TBL1XR1: variants seen among roughly 807,000 people sequenced by gnomAD.
TBL1XR1 encodes F-box-like/WD repeat-containing protein TBL1XR1.
A neutral mutation model predicts 66.9 loss-of-function variants in TBL1XR1; 5 were observed. The ratio of observed to expected loss-of-function variants is 0.07; its 90% CI spans 0.04 to 0.16. The LOEUF is 0.16. Ranked by LOEUF, TBL1XR1 falls within the 10% of genes least tolerant of loss-of-function variation. The probability of loss-of-function intolerance (pLI) is 1.00; values close to 1 mark genes in which losing one functional copy is unlikely to be tolerated. For missense variants in TBL1XR1, 238 were observed against 623.2 expected (o/e 0.38, Z 6.58); for synonymous variants, 210 against 206.0 (o/e 1.02, Z -0.17).
chr3:177,161,699 G>A (rs1208709946), intron 1 of TBL1XR1, among the ~76,000 whole-genome samples: 17 of 151,610 alleles, frequency 1.1e-4, no homozygotes, highest in Admixed American at 9.9e-4. Context: ...CAGGAGGATC[G>A]CTTGAACCAG....
chr3:177,036,064 T>C (rs1054700259), intron 12 of TBL1XR1, among the ~76,000 whole-genome samples: 9 of 152,222 alleles, frequency 5.9e-5, no homozygotes, highest in African/African-American at 2.2e-4. Flanking sequence ...CCTTCCTTTA[T>C]TACTAGTTTA....
Position 177,049,879 on chromosome 3 carries a change from GTTACTA to G in TBL1XR1, c.702+112_702+117del, listed in dbSNP as rs386668603. The stretch of plus-strand genomic sequence containing the variant: ...GGCAGGGGACGACTCCCGGTTTGTT[GTTACTA>G]GTTAATAAAACCCCAAATTCTGAAC... On this transcript the variant is annotated intron_variant, in intron 7 of 15. Coordinates refer to ENST00000457928, the MANE Select transcript of TBL1XR1 (RefSeq NM_024665.7). 267,191 of 1,192,820 alleles carry G rather than the reference GTTACTA, an allele frequency of 0.22. 31,066 individuals carry two copies. Among genetic ancestry groups the G allele is most frequent in the East Asian group, 0.45 (17,855 of 39,320 alleles). 73.9% of individuals were successfully genotyped at this position (1,192,820 alleles called of 1,614,324 possible).
chr3:177,160,671 T>C (rs1732083963), intron 1 of TBL1XR1, among the ~76,000 whole-genome samples: 1 of 152,038 alleles, frequency 6.6e-6, no homozygotes, highest in African/African-American at 2.4e-5. Context: ...TGAAACTCAG[T>C]CCTAAATCAT....
chr3:177,179,176 G>A (rs907704434), intron 1 of TBL1XR1, among the ~76,000 whole-genome samples: 15 of 146,828 alleles, frequency 1.0e-4, no homozygotes, highest in East Asian at 1.0e-3. Context: ...GGGGAGAATC[G>A]CACAACAACC....
chr3:177,050,344 T>C (rs1210846339), intron 6 of TBL1XR1, 134 bp downstream of exon 6: 4 of 1,293,948 alleles, frequency 3.1e-6, no homozygotes, highest in Non-Finnish European at 4.2e-6. Flanking sequence ...AATTACTTCA[T>C]GAAGGAATAA....
At chr3:177,081,793 A>G (rs574762883) in intron 2 of TBL1XR1, among the ~76,000 whole-genome samples, 7 of 152,020 alleles carry the variant, frequency 4.6e-5, no homozygotes, top group African/African-American at 1.4e-4. Flanking sequence ...ACTACTAATT[A>G]TAAGATACAA....
intron 1 of TBL1XR1, among the ~76,000 whole-genome samples, chr3:177,169,486 G>A (rs1733211037): frequency 6.6e-6 from 1 of 152,114 alleles, no homozygotes; most frequent in East Asian, 1.9e-4. Flanking sequence ...CAGATACATG[G>A]AATAAGAAAC....
At chr3:177,074,477 G>A (rs1720440526) in intron 2 of TBL1XR1, among the ~76,000 whole-genome samples, 1 of 152,202 alleles carries the variant, frequency 6.6e-6, no homozygotes. Flanking sequence ...TTCTATCAAC[G>A]CTTTCCCTAG....
chr3:177,151,345 C>T (rs907907419), intron 1 of TBL1XR1, among the ~76,000 whole-genome samples: 3 of 152,186 alleles, frequency 2.0e-5, no homozygotes, highest in African/African-American at 7.2e-5. Context: ...TGATGGGGGT[C>T]CCCAACCCCC....
At chr3:177,037,337 CCTTT>C (rs1714940714) in intron 12 of TBL1XR1, 1 of 152,162 alleles carries the variant, frequency 6.6e-6, no homozygotes, top group African/African-American at 2.4e-5. Context: ...TATAGCATGA[CCTTT>C]CTTACTATTG....
At position 177,022,973 on chromosome 3, in the gene TBL1XR1, A is replaced by T. The variant is rs1221477489; in HGVS notation, c.*2525T>A. On this transcript the variant is annotated 3_prime_UTR_variant, in exon 16 of 16. Transcript: ENST00000457928. Reference sequence around the variant, plus strand: ...TAAAGCTCTGTATTTATAATCTTTTATATGTCCTATTGTGGCTATTATGCT... The same window carrying T: ...TAAAGCTCTGTATTTATAATCTTTTTTATGTCCTATTGTGGCTATTATGCT... 1 of 152,262 alleles carries T rather than the reference A, an allele frequency of 6.6e-6. No individual in the cohort carries two copies. The highest frequency in any genetic ancestry group is 6.6e-5 in the Admixed American group (1 of 15,252). 9.4% of individuals were successfully genotyped at this position (152,262 alleles called of 1,614,324 possible).
rs1737002292 is a variant in TBL1XR1, at chr3:177,197,363, GGGCGGGGGCGCACGCGGCCGGC to G, written c.-386_-365del. Reference sequence around the variant, plus strand: ...GGAGGTGCTCCCGCCGCGGGGGGAGGGGCGGGGGCGCACGCGGCCGGCGGCGGGGGGAGGCGGCGCGCGGGGG... The same window carrying G: ...GGAGGTGCTCCCGCCGCGGGGGGAGGGGCGGGGGGAGGCGGCGCGCGGGGG... On this transcript the variant is annotated 5_prime_UTR_variant, in exon 1 of 16. Coordinates refer to ENST00000457928, the MANE Select transcript of TBL1XR1 (RefSeq NM_024665.7). 3 of 146,466 alleles carry G rather than the reference GGGCGGGGGCGCACGCGGCCGGC, an allele frequency of 2.0e-5. No homozygotes were observed. The highest frequency in any genetic ancestry group is 4.6e-5 in the Non-Finnish European group (3 of 65,748). 9.1% of individuals were successfully genotyped at this position (146,466 alleles called of 1,614,324 possible). A position where few individuals can be genotyped will look rare whatever the true frequency, so the allele number is the denominator to read the frequency against.
intron 1 of TBL1XR1, among the ~76,000 whole-genome samples, chr3:177,180,615 T>C (rs903740397): frequency 2.6e-5 from 4 of 152,126 alleles, no homozygotes; most frequent in African/African-American, 9.7e-5. Context: ...TTCTAGAAAG[T>C]AGCTCAAAAA....
intron 1 of TBL1XR1, among the ~76,000 whole-genome samples, chr3:177,116,412 C>G (rs1204509251): frequency 6.6e-6 from 1 of 152,094 alleles, no homozygotes; most frequent in Non-Finnish European, 1.5e-5. Context: ...TTCTAGGATG[C>G]AACTTGACAT....
intron 1 of TBL1XR1, among the ~76,000 whole-genome samples, chr3:177,174,937 G>A (rs1457138188): frequency 2.0e-5 from 3 of 152,144 alleles, no homozygotes; most frequent in East Asian, 1.9e-4. Flanking sequence ...TATGAGCCCT[G>A]CTTACCAATT....
chr3:177,107,895 TA>T (rs1012307540), intron 1 of TBL1XR1, among the ~76,000 whole-genome samples: 1 of 152,196 alleles, frequency 6.6e-6, no homozygotes, highest in African/African-American at 2.4e-5. Context: ...AGTTAGCAGA[TA>T]TTTTTTTATT....
intron 1 of TBL1XR1, among the ~76,000 whole-genome samples, chr3:177,168,394 G>C (rs966934589): frequency 1.3e-5 from 2 of 151,420 alleles, no homozygotes; most frequent in Admixed American, 6.6e-5. Context: ...CGATTCTCCT[G>C]CCTCAGCCTT....
At chr3:177,096,703 T>C (rs1243519504) in intron 2 of TBL1XR1, among the ~76,000 whole-genome samples, 2 of 152,170 alleles carry the variant, frequency 1.3e-5, no homozygotes, top group Non-Finnish European at 2.9e-5. Flanking sequence ...AATACCAAAG[T>C]TGATTTACCA....
intron 1 of TBL1XR1, among the ~76,000 whole-genome samples, chr3:177,193,348 T>C (rs927794886): frequency 2.0e-5 from 3 of 151,544 alleles, no homozygotes; most frequent in African/African-American, 4.8e-5. Flanking sequence ...TCTCCCTCTA[T>C]CGCCCAGGCT....
Sources: allele counts gnomAD v4.1 joint callset (sites outside exome capture counted in the v4.1 genomes callset), GRCh38; gene constraint gnomAD v4.1.1; transcripts MANE v1.5; gene names NCBI Gene and HGNC (gene_info 2026-07-23, HGNC 2026-07-21).